The following PUDP variants were observed in gnomAD, a reference collection of about 807,000 sequenced individuals.
The protein encoded by PUDP is pseudouridine 5'-phosphatase, also known as pseudouridine-5'-phosphatase.
In PUDP, 8 loss-of-function variants were observed where a neutral mutation model predicts 9.4. That is an observed-to-expected ratio of 0.85 (90% CI 0.50 to 1.53). PUDP has a LOEUF of 1.53. PUDP is among the 40% of genes most tolerant of loss of function. PUDP has a pLI of 0.00. For missense variants in PUDP, 188 were observed against 189.7 expected (o/e 0.99, Z 0.05); for synonymous variants, 99 against 80.7 (o/e 1.23, Z -1.22).
intron 3 of PUDP, among the ~76,000 whole-genome samples, chrX:6,875,275 C>T (rs1189948160): frequency 9.0e-6 from 1 of 110,831 alleles, no homozygotes. Context: ...CGGTACGTTG[C>T]CCAGGCTGGT....
At chrX:6,731,077 T>C (rs1218975844) in intron 3 of PUDP, among the ~76,000 whole-genome samples, 1 of 110,779 alleles carries the variant, frequency 9.0e-6, no homozygotes, top group Non-Finnish European at 1.9e-5. Context: ...TATTTTATTT[T>C]ATTTTTTTTA....
intron 2 of PUDP, among the ~76,000 whole-genome samples, chrX:7,098,327 G>C (rs1406068379): frequency 8.9e-6 from 1 of 112,011 alleles, no homozygotes; most frequent in Non-Finnish European, 1.9e-5. Flanking sequence ...CTTCAAGATG[G>C]TACCTTGTTG....
At chrX:6,829,329 G>A (rs1419032618) in intron 3 of PUDP, among the ~76,000 whole-genome samples, 2 of 112,039 alleles carry the variant, frequency 1.8e-5, no homozygotes, top group Non-Finnish European at 3.8e-5. Context: ...AAACATCCAT[G>A]TGTGGATTTT....
chrX:6,934,295 C>G (rs1370659695), intron 3 of PUDP, among the ~76,000 whole-genome samples: 1 of 100,257 alleles, frequency 1.0e-5, no homozygotes, highest in South Asian at 4.7e-4. Flanking sequence ...CAGCAGAAAC[C>G]CTACAAGCCA....
At chrX:6,859,318 A>G (rs890008283) in intron 3 of PUDP, among the ~76,000 whole-genome samples, 2 of 111,924 alleles carry the variant, frequency 1.8e-5, no homozygotes, top group Admixed American at 9.4e-5. Context: ...TTGCAAAATT[A>G]TAACAGTGGG....
At chrX:7,119,631 T>C (rs1359179320) in intron 1 of PUDP, among the ~76,000 whole-genome samples, 1 of 112,628 alleles carries the variant, frequency 8.9e-6, no homozygotes, top group African/African-American at 3.2e-5. Context: ...TAAAGATAAT[T>C]GAGTGATCAT....
At chrX:6,921,443 T>C (rs928087589) in intron 3 of PUDP, among the ~76,000 whole-genome samples, 3 of 111,164 alleles carry the variant, frequency 2.7e-5, no homozygotes, top group Non-Finnish European at 5.7e-5. Flanking sequence ...TGGTGTCTTT[T>C]GACACTCAAC....
At chrX:6,985,604 G>C (rs1297217105) in intron 1 of PUDP, among the ~76,000 whole-genome samples, 2 of 111,608 alleles carry the variant, frequency 1.8e-5, no homozygotes, top group African/African-American at 3.3e-5. Context: ...TCCGGCCTTT[G>C]TATGAGGGCA....
At chrX:6,852,107 G>C (rs976418984) in intron 3 of PUDP, among the ~76,000 whole-genome samples, 1 of 111,908 alleles carries the variant, frequency 8.9e-6, no homozygotes, top group Non-Finnish European at 1.9e-5. Context: ...AGATGCATTT[G>C]ACCAGCAGGC....
chrX:6,817,014 CATATAGT>C (rs1926259382), intron 3 of PUDP, among the ~76,000 whole-genome samples: 1 of 90,404 alleles, frequency 1.1e-5, no homozygotes, highest in Admixed American at 1.3e-4. Context: ...TATATATACA[CATATAGT>C]ATATACTATA....
At chrX:7,016,288 G>A (rs1184000993) in intron 1 of PUDP, among the ~76,000 whole-genome samples, 1 of 111,045 alleles carries the variant, frequency 9.0e-6, no homozygotes, top group Non-Finnish European at 1.9e-5. Context: ...ACTTTCTGAG[G>A]CTTTGATTTT....
At chrX:6,762,613 C>T (rs188879604) in intron 3 of PUDP, among the ~76,000 whole-genome samples, 1,358 of 111,729 alleles carry the variant, frequency 0.012, 22 homozygotes, top group African/African-American at 0.041. Context: ...AGATGACAGG[C>T]AGAAGAAATA....
intron 1 of PUDP, among the ~76,000 whole-genome samples, chrX:7,109,838 T>A (rs765779972): frequency 4.4e-5 from 5 of 112,983 alleles, no homozygotes; most frequent in African/African-American, 1.6e-4. Flanking sequence ...CCCTGCTTAC[T>A]AACAAGCTTG....
chrX:6,925,690 A>G (rs973107170), intron 3 of PUDP, among the ~76,000 whole-genome samples: 1 of 112,029 alleles, frequency 8.9e-6, no homozygotes, highest in Non-Finnish European at 1.9e-5. Flanking sequence ...ATAAATCAAT[A>G]CATGGGAGGA....
intron 3 of PUDP, among the ~76,000 whole-genome samples, chrX:6,806,054 T>A (rs1293760055): frequency 1.8e-5 from 2 of 110,825 alleles, no homozygotes. Context: ...ATTGGCACTT[T>A]GCAGTACAGC....
intron 1 of PUDP, among the ~76,000 whole-genome samples, chrX:7,130,628 A>G (rs767905984): frequency 3.6e-5 from 4 of 111,121 alleles, no homozygotes; most frequent in Non-Finnish European, 5.7e-5. Flanking sequence ...AGCTTGGGCA[A>G]CATGGCAAAA....
chrX:7,025,576 C>G (rs933689822), intron 1 of PUDP, among the ~76,000 whole-genome samples: 1 of 111,709 alleles, frequency 9.0e-6, no homozygotes, highest in African/African-American at 3.3e-5. Flanking sequence ...TTTTCTGAAC[C>G]TGAATTACTC....
At chrX:6,732,143 T>C (rs1924817068) in intron 3 of PUDP, among the ~76,000 whole-genome samples, 1 of 111,549 alleles carries the variant, frequency 9.0e-6, no homozygotes, top group South Asian at 3.8e-4. Flanking sequence ...TGGGGGAAAT[T>C]GTAGGAGGCT....
intron 1 of PUDP, among the ~76,000 whole-genome samples, chrX:7,000,170 A>G (rs1480986354): frequency 2.7e-5 from 3 of 111,428 alleles, no homozygotes; most frequent in Non-Finnish European, 5.7e-5. Flanking sequence ...ACAAACACAC[A>G]CTACTGGAAT....
Sources: gnomAD v4.1 joint callset for allele counts (sites outside exome capture counted in the v4.1 genomes callset) on GRCh38, gnomAD v4.1.1 for gene constraint, MANE v1.5 for transcripts, NCBI Gene and HGNC (gene_info 2026-07-23, HGNC 2026-07-21) for gene names.